Variants in TMEM132C observed in about 807,000 individuals in gnomAD.
The protein encoded by TMEM132C is protein phosphatase 1, regulatory subunit 152.
TMEM132C carries 29 observed loss-of-function variants against 61.4 expected under a neutral mutation model. The ratio of observed to expected loss-of-function variants is 0.47; its 90% CI spans 0.35 to 0.64. The LOEUF is 0.64. Ranked by LOEUF, TMEM132C falls within the 30% of genes least tolerant of loss-of-function variation. TMEM132C has a pLI of 0.00. For missense variants in TMEM132C, 1,408 were observed against 1,476.9 expected, an observed-to-expected ratio of 0.95 and a Z score of 0.76; for synonymous variants, 656 against 633.1, an observed-to-expected ratio of 1.04 and a Z score of -0.54.
intron 1 of TMEM132C, among the ~76,000 whole-genome samples, chr12:128,389,492 T>G (rs1432370040): frequency 2.6e-5 from 4 of 152,172 alleles, no homozygotes; most frequent in African/African-American, 4.8e-5. Context: ...CATGCCTGCA[T>G]TCTGTTTTCT....
chr12:128,688,226 G>A (rs965529336), intron 5 of TMEM132C, among the ~76,000 whole-genome samples: 5 of 152,180 alleles, frequency 3.3e-5, no homozygotes, highest in African/African-American at 9.7e-5. Flanking sequence ...CAGGAAGGAC[G>A]ACTTCAGCCA....
At chr12:128,592,746 C>T (rs144911745) in intron 3 of TMEM132C, among the ~76,000 whole-genome samples, 182 of 152,328 alleles carry the variant, frequency 1.2e-3, no homozygotes, top group Non-Finnish European at 2.0e-3. Flanking sequence ...TCCCCCATAG[C>T]GAGGACCCCC....
intron 3 of TMEM132C, among the ~76,000 whole-genome samples, chr12:128,610,832 A>G (rs1475030211): frequency 6.6e-6 from 1 of 152,178 alleles, no homozygotes. Flanking sequence ...CACTCAGGAA[A>G]TGCACTGTAT....
At chr12:128,369,378 A>G (rs1019103943) in intron 1 of TMEM132C, among the ~76,000 whole-genome samples, 1 of 152,210 alleles carries the variant, frequency 6.6e-6, no homozygotes, top group African/African-American at 2.4e-5. Context: ...TCACTATGAA[A>G]ACATCGATAC....
intron 3 of TMEM132C, among the ~76,000 whole-genome samples, chr12:128,586,556 C>G (rs1004332561): frequency 6.6e-6 from 1 of 152,088 alleles, no homozygotes. Flanking sequence ...GCAAATAAAA[C>G]TGCCAAGCTG....
At chr12:128,385,035 A>G (rs1593033957) in intron 1 of TMEM132C, among the ~76,000 whole-genome samples, 1 of 152,174 alleles carries the variant, frequency 6.6e-6, no homozygotes, top group Non-Finnish European at 1.5e-5. Flanking sequence ...CGAGAACTTT[A>G]TGGGATGTCA....
chr12:128,625,316 A>C (rs990868207), intron 4 of TMEM132C, among the ~76,000 whole-genome samples: 3 of 152,166 alleles, frequency 2.0e-5, no homozygotes. Flanking sequence ...TCTGGTGAGG[A>C]CTTGCCTCCT....
intron 3 of TMEM132C, among the ~76,000 whole-genome samples, chr12:128,563,284 A>T (rs1441441697): frequency 6.6e-6 from 1 of 152,208 alleles, no homozygotes; most frequent in Non-Finnish European, 1.5e-5. Flanking sequence ...AAGTAGAGGA[A>T]CTTCTGGGAG....
chr12:128,353,081 T>C (rs1349142667), intron 1 of TMEM132C, among the ~76,000 whole-genome samples: 2 of 152,000 alleles, frequency 1.3e-5, no homozygotes, highest in African/African-American at 4.8e-5. Context: ...CTAGCACTCA[T>C]AAAGCATATA....
chr12:128,624,679 A>G (rs1276472977), intron 4 of TMEM132C, among the ~76,000 whole-genome samples: 1 of 152,168 alleles, frequency 6.6e-6, no homozygotes, highest in Non-Finnish European at 1.5e-5. Flanking sequence ...TTTAGCTTAA[A>G]TAAGCTTCAG....
intron 2 of TMEM132C, among the ~76,000 whole-genome samples, chr12:128,440,471 G>A (rs1869746169): frequency 6.6e-6 from 1 of 152,118 alleles, no homozygotes; most frequent in Admixed American, 6.5e-5. Flanking sequence ...TCCAGGAAAG[G>A]GCCTGCTGCC....
chr12:128,389,874 T>C (rs71462491), intron 1 of TMEM132C, among the ~76,000 whole-genome samples: 1 of 152,308 alleles, frequency 6.6e-6, no homozygotes, highest in East Asian at 1.9e-4. Context: ...TTCTGTTTTG[T>C]ATTGTTTCAT....
intron 1 of TMEM132C, among the ~76,000 whole-genome samples, chr12:128,411,756 A>G (rs1355023292): frequency 6.6e-6 from 1 of 152,188 alleles, no homozygotes; most frequent in Non-Finnish European, 1.5e-5. Flanking sequence ...GTACATACAC[A>G]TGCACACATA....
chr12:128,281,969 T>G (rs1169835621), intron 1 of TMEM132C, among the ~76,000 whole-genome samples: 1 of 152,244 alleles, frequency 6.6e-6, no homozygotes, highest in East Asian at 1.9e-4. Context: ...TGGAGTTGGA[T>G]TCTCTTTCCT....
intron 3 of TMEM132C, among the ~76,000 whole-genome samples, chr12:128,612,453 G>T (rs1329078990): frequency 6.6e-6 from 1 of 152,154 alleles, no homozygotes; most frequent in African/African-American, 2.4e-5. Flanking sequence ...CACAAGTGAT[G>T]GGCATCTGAG....
At chr12:128,559,296 A>G (rs903321252) in intron 3 of TMEM132C, among the ~76,000 whole-genome samples, 1 of 152,076 alleles carries the variant, frequency 6.6e-6, no homozygotes, top group Non-Finnish European at 1.5e-5. Flanking sequence ...TTTTTTTCCA[A>G]ACATCTGTAT....
chr12:128,462,447 G>A (rs1870567201), intron 2 of TMEM132C, among the ~76,000 whole-genome samples: 1 of 152,148 alleles, frequency 6.6e-6, no homozygotes, highest in Non-Finnish European at 1.5e-5. Context: ...TTATTTCCCT[G>A]TTTGAGCATT....
chr12:128,666,233 A>C (rs1022262488), intron 4 of TMEM132C, among the ~76,000 whole-genome samples: 3 of 150,994 alleles, frequency 2.0e-5, no homozygotes, highest in African/African-American at 7.3e-5. Flanking sequence ...ACACAGGCAC[A>C]CACACATTCA....
intron 2 of TMEM132C, among the ~76,000 whole-genome samples, chr12:128,535,508 C>G (rs12312015): frequency 0.098 from 14,920 of 152,170 alleles, 2,062 homozygotes; most frequent in African/African-American, 0.29. Context: ...TCACTTGCAT[C>G]AAAGAAATGC....
Sources: gnomAD v4.1 joint callset for allele counts (sites outside exome capture counted in the v4.1 genomes callset) on GRCh38, gnomAD v4.1.1 for gene constraint, MANE v1.5 for transcripts, NCBI Gene and HGNC (gene_info 2026-07-23, HGNC 2026-07-21) for gene names.